LRRTM4: variants seen among roughly 807,000 people sequenced by gnomAD.
The protein encoded by LRRTM4 is leucine-rich repeat transmembrane neuronal protein 4.
LRRTM4 carries 25 observed loss-of-function variants against 47.6 expected under a neutral mutation model. The ratio of observed to expected loss-of-function variants is 0.53; its 90% CI spans 0.38 to 0.73. The LOEUF (loss-of-function observed/expected upper bound fraction) is 0.73, where lower values mean the gene tolerates loss of function less well. Among genes scored for constraint, LRRTM4 ranks in the 30% least tolerant of loss-of-function variants. The pLI, the probability that LRRTM4 is intolerant of heterozygous loss-of-function variation, is 0.00. For synonymous variants in LRRTM4, 311 were observed against 269.5 expected, an observed-to-expected ratio of 1.15 and a Z score of -1.51; for missense variants, 638 against 713.4, an observed-to-expected ratio of 0.89 and a Z score of 1.20.
At chr2:76,907,779 C>A (rs963112861) in intron 3 of LRRTM4, among the ~76,000 whole-genome samples, 1 of 131,504 alleles carries the variant, frequency 7.6e-6, no homozygotes, top group Non-Finnish European at 1.6e-5. Context: ...TACACTCTCC[C>A]AAGACTAAAC....
Position 76,813,845 on chromosome 2 carries a change from T to A in LRRTM4, c.1552-64929A>T, listed in dbSNP as rs754088169. ...TTGCACACCCAATTTCACGTATTCT[T>A]ACCATCTTACATTACTAATGCACTG... is the stretch of plus-strand genomic sequence containing the variant. On this transcript the variant is annotated intron_variant, in intron 3 of 3. Transcript: ENST00000409884. Among the ~76,000 whole-genome samples the A allele has an allele frequency of 4.6e-4, 70 of 152,304 alleles. 1 individual carries two copies. The highest frequency in any genetic ancestry group is 9.1e-4 in the Non-Finnish European group (62 of 68,028).
chr2:76,862,440 A>G (rs938884513), intron 3 of LRRTM4, among the ~76,000 whole-genome samples: 1 of 152,288 alleles, frequency 6.6e-6, no homozygotes, highest in East Asian at 1.9e-4. Context: ...GCATGGAAAG[A>G]GTGTTAAAAG....
At chr2:76,868,013 C>T (rs1303155353) in intron 3 of LRRTM4, among the ~76,000 whole-genome samples, 3 of 152,110 alleles carry the variant, frequency 2.0e-5, no homozygotes, top group Non-Finnish European at 2.9e-5. Flanking sequence ...ACCAAGAAAG[C>T]CCTATTGAGT....
At chr2:77,418,413 C>T (rs745367345) in intron 3 of LRRTM4, among the ~76,000 whole-genome samples, 7 of 152,122 alleles carry the variant, frequency 4.6e-5, no homozygotes, top group African/African-American at 1.2e-4. Context: ...TTTGGGGTCA[C>T]GTTAGAAAAT....
chr2:76,830,515 C>CGTGTGCGTGTGTGT lies in LRRTM4; in HGVS notation c.1552-81600_1552-81599insACACACACGCACAC, dbSNP rs1553416353. 4.9e-5 allele frequency among the ~76,000 whole-genome samples: 7 copies of CGTGTGCGTGTGTGT among 144,086 alleles called. No individual in the cohort carries two copies. In the South Asian group the frequency reaches 1.3e-3, roughly 27 times the overall value. 94.5% of individuals were successfully genotyped at this position (144,086 alleles called of 152,430 possible). A position where few individuals can be genotyped will look rare whatever the true frequency, so the allele number is the denominator to read the frequency against. On this transcript the variant is annotated intron_variant, in intron 3 of 3. Coordinates refer to ENST00000409884, the MANE Select transcript of LRRTM4 (RefSeq NM_001134745.3). ...AGTTGTCTATGTGTGGCAGTGTGTGCGTGTGTGTGTGTGTGTGTGTGTGTG... is the reference window on the plus strand; with the variant it reads ...AGTTGTCTATGTGTGGCAGTGTGTGCGTGTGCGTGTGTGTGTGTGTGTGTGTGTGTGTGTGTGTG...
chr2:76,887,979 T>C (rs1401123698), intron 3 of LRRTM4, among the ~76,000 whole-genome samples: 3 of 150,950 alleles, frequency 2.0e-5, no homozygotes, highest in Admixed American at 6.6e-5. Context: ...TCTGTATATA[T>C]TTATATATAC....
chr2:77,020,480 T>A (rs1678228405), intron 3 of LRRTM4, among the ~76,000 whole-genome samples: 1 of 152,134 alleles, frequency 6.6e-6, no homozygotes, highest in South Asian at 2.1e-4. Flanking sequence ...AAAAGGTTTC[T>A]AAGAATCGTA....
chr2:76,812,776 C>CCTCTT (rs1553413542), intron 3 of LRRTM4, among the ~76,000 whole-genome samples: 1 of 85,636 alleles, frequency 1.2e-5, no homozygotes, highest in African/African-American at 5.7e-5. Flanking sequence ...CTCTCCCTCC[C>CCTCTT]CCTCCTCCTC....
chr2:76,871,744 T>C (rs928172867), intron 3 of LRRTM4, among the ~76,000 whole-genome samples: 1 of 152,156 alleles, frequency 6.6e-6, no homozygotes, highest in Non-Finnish European at 1.5e-5. Flanking sequence ...CATACTATTG[T>C]GACTTTTGTT....
intron 3 of LRRTM4, among the ~76,000 whole-genome samples, chr2:77,515,984 T>A (rs1183906875): frequency 6.6e-6 from 1 of 151,888 alleles, no homozygotes; most frequent in Non-Finnish European, 1.5e-5. Context: ...TTTTGTATGC[T>A]TTCGTTTTAA....
chr2:77,397,206 T>C (rs1424000728), intron 3 of LRRTM4, among the ~76,000 whole-genome samples: 1 of 151,952 alleles, frequency 6.6e-6, no homozygotes, highest in Non-Finnish European at 1.5e-5. Flanking sequence ...AATAGAAATT[T>C]GCAGTAATGA....
chr2:76,756,907 A>G (rs1367435516), intron 3 of LRRTM4, among the ~76,000 whole-genome samples: 1 of 152,172 alleles, frequency 6.6e-6, no homozygotes, highest in African/African-American at 2.4e-5. Flanking sequence ...CGTTGCTCAG[A>G]TACTTAGATA....
chr2:76,754,937 G>T (rs922645081), intron 3 of LRRTM4, among the ~76,000 whole-genome samples: 2 of 152,098 alleles, frequency 1.3e-5, no homozygotes, highest in African/African-American at 2.4e-5. Context: ...AGCAAAGTCC[G>T]CAAAAGACCC....
chr2:76,958,287 GAA>G (rs1675741825), intron 3 of LRRTM4, among the ~76,000 whole-genome samples: 2 of 151,736 alleles, frequency 1.3e-5, no homozygotes, highest in Non-Finnish European at 1.5e-5. Context: ...AACTATGACA[GAA>G]ACTCTTGATT....
chr2:76,755,118 C>T (rs1487066607), intron 3 of LRRTM4, among the ~76,000 whole-genome samples: 1 of 152,140 alleles, frequency 6.6e-6, no homozygotes, highest in Admixed American at 6.5e-5. Context: ...TCCCTGGTAC[C>T]ACTTTCATTA....
intron 3 of LRRTM4, among the ~76,000 whole-genome samples, chr2:76,785,278 A>G (rs189152239): frequency 6.6e-6 from 1 of 152,154 alleles, no homozygotes. Flanking sequence ...ATGTGGGACT[A>G]CAGTTCTGCT....
intron 3 of LRRTM4, among the ~76,000 whole-genome samples, chr2:77,287,579 C>T (rs867610151): frequency 1.7e-4 from 26 of 151,990 alleles, no homozygotes; most frequent in African/African-American, 5.8e-4. Context: ...TATTAAATGA[C>T]GTGCCACTCT....
At chr2:76,925,730 C>A (rs562034567) in intron 3 of LRRTM4, among the ~76,000 whole-genome samples, 2 of 152,116 alleles carry the variant, frequency 1.3e-5, no homozygotes, top group South Asian at 2.1e-4. Flanking sequence ...AGTGTTATGA[C>A]CCAATCCCAG....
intron 3 of LRRTM4, among the ~76,000 whole-genome samples, chr2:76,832,439 T>G (rs1671380750): frequency 6.7e-6 from 1 of 148,950 alleles, no homozygotes; most frequent in Non-Finnish European, 1.5e-5. Context: ...ACAGTTTCAG[T>G]GCATCCTCGA....
Sources: allele counts gnomAD v4.1 joint callset (sites outside exome capture counted in the v4.1 genomes callset), GRCh38; gene constraint gnomAD v4.1.1; transcripts MANE v1.5; gene names NCBI Gene and HGNC (gene_info 2026-07-23, HGNC 2026-07-21).